SCFD2: variants seen among roughly 807,000 people sequenced by gnomAD.
SCFD2 encodes the protein sec1 family domain-containing protein 2.
Under a neutral mutation model 58.9 loss-of-function variants are expected in SCFD2, and 54 were observed. That is an observed-to-expected ratio of 0.92 (90% CI 0.74 to 1.15). The LOEUF (loss-of-function observed/expected upper bound fraction) is 1.15. Among genes scored for constraint, SCFD2 ranks in the 50% most tolerant of loss-of-function variants. The probability of loss-of-function intolerance (pLI) is 0.00; values close to 1 mark genes in which losing one functional copy is unlikely to be tolerated. For synonymous variants in SCFD2, 321 were observed against 335.9 expected (o/e 0.96, Z 0.49); for missense variants, 805 against 836.6 (o/e 0.96, Z 0.47).
At chr4:53,022,724 ATAATACT>A (rs777345454) in intron 5 of SCFD2, among the ~76,000 whole-genome samples, 4 of 152,230 alleles carry the variant, frequency 2.6e-5, no homozygotes, top group Non-Finnish European at 4.4e-5. Flanking sequence ...TAGAAATGAG[ATAATACT>A]TAAGAGGCTG....
intron 5 of SCFD2, among the ~76,000 whole-genome samples, chr4:53,067,528 C>A (rs370565949): frequency 1.3e-5 from 2 of 151,990 alleles, no homozygotes; most frequent in African/African-American, 4.8e-5. Flanking sequence ...GTGGAGATAA[C>A]TGAATCATGG....
chr4:53,154,929 C>T (rs1726620656), intron 4 of SCFD2, among the ~76,000 whole-genome samples: 1 of 152,144 alleles, frequency 6.6e-6, no homozygotes, highest in South Asian at 2.1e-4. Context: ...ATGCAGGGGG[C>T]CTGTGGAAGC....
At chr4:53,215,678 C>T (rs1728800360) in intron 4 of SCFD2, among the ~76,000 whole-genome samples, 1 of 152,084 alleles carries the variant, frequency 6.6e-6, no homozygotes, top group African/African-American at 2.4e-5. Context: ...ACTTCCAAAA[C>T]TATGTAAAAC....
chr4:53,283,409 G>A (rs56246277), intron 3 of SCFD2, among the ~76,000 whole-genome samples: 99 of 152,214 alleles, frequency 6.5e-4, no homozygotes, highest in Non-Finnish European at 1.2e-3. Flanking sequence ...AAATACTGAT[G>A]CTATGAACAT....
chr4:52,982,339 T>C (rs11133239), intron 5 of SCFD2, among the ~76,000 whole-genome samples: 21,590 of 152,206 alleles, frequency 0.14, 1,600 homozygotes, highest in African/African-American at 0.17. Context: ...GCATAATGAA[T>C]GGTAGACACA....
intron 4 of SCFD2, among the ~76,000 whole-genome samples, chr4:53,235,474 C>A (rs148525080): frequency 6.4e-4 from 97 of 152,332 alleles, no homozygotes; most frequent in African/African-American, 2.2e-3. Context: ...TGAGGACATA[C>A]TCATGAATAA....
rs1475829539 is a variant in SCFD2, at chr4:52,907,706, A to ATG, written c.1708-116_1708-115insCA. The ATG allele has an allele frequency of 3.5e-6, 3 of 845,900 alleles. No individual in the cohort carries two copies. The East Asian group carries it at 7.8e-5, about 22-fold the overall frequency. The allele number at this position is 845,900 out of a possible 1,614,324, so 52.4% of individuals were successfully genotyped here. On this transcript the variant is annotated intron_variant, in intron 6 of 8. Transcript: ENST00000401642. ...TTTATTTTGATACTGAGCAATGCCT[A>ATG]TATGTGTGTGTGTGTGTGTGTGTGT... is the stretch of plus-strand genomic sequence containing the variant.
chr4:53,322,280 G>C (rs1226582731), intron 2 of SCFD2, among the ~76,000 whole-genome samples: 1 of 152,090 alleles, frequency 6.6e-6, no homozygotes, highest in East Asian at 1.9e-4. Context: ...CAATGAAAGT[G>C]ACCTCTGGTT....
chr4:53,067,759 G>T (rs1723705016), intron 5 of SCFD2, among the ~76,000 whole-genome samples: 1 of 151,910 alleles, frequency 6.6e-6, no homozygotes, highest in Admixed American at 6.6e-5. Flanking sequence ...TTGTTTCTTG[G>T]GTATGTCTTT....
chr4:53,251,451 T>C (rs1730376116), intron 4 of SCFD2, among the ~76,000 whole-genome samples: 3 of 152,252 alleles, frequency 2.0e-5, no homozygotes, highest in South Asian at 2.1e-4. Flanking sequence ...TTTAGACCAA[T>C]ATCCTTGATG....
intron 5 of SCFD2, among the ~76,000 whole-genome samples, chr4:53,137,395 A>G (rs1391876696): frequency 1.3e-5 from 2 of 152,242 alleles, no homozygotes; most frequent in Non-Finnish European, 2.9e-5. Context: ...TGAAGGAGGA[A>G]GTCAGAAAGA....
chr4:53,038,504 T>C (rs1035914998), intron 5 of SCFD2, among the ~76,000 whole-genome samples: 1 of 152,178 alleles, frequency 6.6e-6, no homozygotes, highest in Non-Finnish European at 1.5e-5. Flanking sequence ...GTTTTCATTG[T>C]AAAACAGTTT....
At chr4:53,299,940 T>A (rs868110760) in intron 3 of SCFD2, among the ~76,000 whole-genome samples, 1 of 152,128 alleles carries the variant, frequency 6.6e-6, no homozygotes, top group African/African-American at 2.4e-5. Context: ...AAAGAGCTCC[T>A]GAAGGAAGCA....
chr4:53,308,663 A>G (rs555752650), intron 3 of SCFD2, among the ~76,000 whole-genome samples: 5 of 152,346 alleles, frequency 3.3e-5, no homozygotes, highest in African/African-American at 9.6e-5. Flanking sequence ...AAAAACAGGA[A>G]GTAGAACACT....
intron 4 of SCFD2, among the ~76,000 whole-genome samples, chr4:53,259,994 G>A (rs1168455228): frequency 6.7e-6 from 1 of 148,556 alleles, no homozygotes; most frequent in Non-Finnish European, 1.5e-5. Flanking sequence ...TTAAGGGGTT[G>A]AGTTCTTGAT....
chr4:53,061,680 T>C (rs11931066), intron 5 of SCFD2, among the ~76,000 whole-genome samples: 51,973 of 152,012 alleles, frequency 0.34, 10,259 homozygotes, highest in Non-Finnish European at 0.42. Context: ...TATTTATTCA[T>C]TGGGAAACAT....
At chr4:53,083,454 G>T (rs1577713245) in intron 5 of SCFD2, among the ~76,000 whole-genome samples, 1 of 152,148 alleles carries the variant, frequency 6.6e-6, no homozygotes, top group East Asian at 1.9e-4. Flanking sequence ...ATTCTGTGAG[G>T]TCACTATTAC....
At chr4:53,140,186 A>T (rs1194127073) in intron 5 of SCFD2, among the ~76,000 whole-genome samples, 2 of 151,538 alleles carry the variant, frequency 1.3e-5, no homozygotes, top group African/African-American at 4.8e-5. Context: ...TCCGAGAAAC[A>T]CCCAAGAATG....
At chr4:53,189,550 A>G (rs1727835283) in intron 4 of SCFD2, among the ~76,000 whole-genome samples, 1 of 152,178 alleles carries the variant, frequency 6.6e-6, no homozygotes, top group African/African-American at 2.4e-5. Flanking sequence ...CTGAGAGAGC[A>G]GTAAGGGAGG....
Sources: allele counts gnomAD v4.1 joint callset (sites outside exome capture counted in the v4.1 genomes callset), GRCh38; gene constraint gnomAD v4.1.1; transcripts MANE v1.5; gene names NCBI Gene and HGNC (gene_info 2026-07-23, HGNC 2026-07-21).